IFT81: variants seen among roughly 807,000 people sequenced by gnomAD.
The protein encoded by IFT81 is intraflagellar transport protein 81 homolog.
Under a neutral mutation model 102.6 loss-of-function variants are expected in IFT81, and 72 were observed. The observed-to-expected ratio is 0.70, with a 90% CI of 0.58 to 0.85. The LOEUF (loss-of-function observed/expected upper bound fraction) is 0.85, where lower values mean the gene tolerates loss of function less well. Ranked by LOEUF, IFT81 falls within the 40% of genes least tolerant of loss-of-function variation. The pLI is 0.00. For synonymous variants in IFT81, 237 were observed against 242.7 expected (o/e 0.98, Z 0.22); for missense variants, 723 against 787.3 (o/e 0.92, Z 0.98).
At chr12:110,133,002 A>C (rs1249150814) in intron 5 of IFT81, among the ~76,000 whole-genome samples, 1 of 134,600 alleles carries the variant, frequency 7.4e-6, no homozygotes, top group Non-Finnish European at 1.5e-5. Flanking sequence ...ACAGGGTCTC[A>C]CTCTGTCATT....
intron 11 of IFT81, among the ~76,000 whole-genome samples, chr12:110,167,708 A>G (rs1029254659): frequency 2.0e-5 from 3 of 152,116 alleles, no homozygotes; most frequent in Non-Finnish European, 4.4e-5. Context: ...GTTTATTATT[A>G]TCAATACTTT....
intron 18 of IFT81, chr12:110,216,444 C>T (rs1389897849): frequency 4.4e-6 from 2 of 451,578 alleles, no homozygotes; most frequent in Non-Finnish European, 4.4e-6. Context: ...ATCCTCCTGC[C>T]TTGGCCTCCC....
At chr12:110,211,470 C>T (rs1869433291) in intron 18 of IFT81, among the ~76,000 whole-genome samples, 1 of 152,168 alleles carries the variant, frequency 6.6e-6, no homozygotes, top group African/African-American at 2.4e-5. Context: ...GGATTACAGA[C>T]ATGAGCCACC....
chr12:110,200,402 T>C (rs990937221), intron 14 of IFT81, among the ~76,000 whole-genome samples: 1 of 152,194 alleles, frequency 6.6e-6, no homozygotes, highest in Non-Finnish European at 1.5e-5. Flanking sequence ...TCTACACCCA[T>C]CTAAACATAG....
intron 10 of IFT81, among the ~76,000 whole-genome samples, chr12:110,156,416 T>A (rs1895840735): frequency 6.6e-6 from 1 of 152,176 alleles, no homozygotes; most frequent in Admixed American, 6.5e-5. Context: ...CCAAGGCAAG[T>A]CTAGTTGTAA....
intron 8 of IFT81, among the ~76,000 whole-genome samples, chr12:110,139,310 C>T (rs1267549492): frequency 2.9e-5 from 4 of 140,026 alleles, no homozygotes; most frequent in Admixed American, 7.6e-5. Flanking sequence ...GCACTCCAGC[C>T]TGGGCAACAG....
intron 1 of IFT81, among the ~76,000 whole-genome samples, chr12:110,126,423 G>GTT (rs1385474606): frequency 3.9e-5 from 6 of 152,104 alleles, no homozygotes; most frequent in African/African-American, 1.4e-4. Context: ...GGGAGCTGGC[G>GTT]TTTGGTGGGC....
intron 11 of IFT81, among the ~76,000 whole-genome samples, chr12:110,178,256 A>T (rs539671496): frequency 3.6e-4 from 55 of 152,182 alleles, no homozygotes; most frequent in Admixed American, 5.9e-4. Flanking sequence ...TCTACTAAAA[A>T]TACAAAAATT....
chr12:110,126,588 A>G (rs780531380), intron 1 of IFT81, among the ~76,000 whole-genome samples: 3 of 152,212 alleles, frequency 2.0e-5, no homozygotes, highest in Non-Finnish European at 4.4e-5. Flanking sequence ...TTGAAGGGGT[A>G]GAAAGATGAC....
intron 5 of IFT81, among the ~76,000 whole-genome samples, chr12:110,134,373 G>GT (rs1219703254): frequency 6.6e-6 from 1 of 152,098 alleles, no homozygotes. Context: ...TTAGGAAGGA[G>GT]TTTTTTTATT....
Position 110,173,828 on chromosome 12 carries a change from G to A in IFT81, c.1189-6594G>A, listed in dbSNP as rs1445778154. On this transcript the variant is annotated intron_variant, in intron 11 of 18. Transcript: ENST00000242591. Reference sequence around the variant, plus strand: ...AAGTACCCAGGGACACAAACACTGCGGAAGGCCTCAGGGTCCTCTGCCTAG... The same window carrying A: ...AAGTACCCAGGGACACAAACACTGCAGAAGGCCTCAGGGTCCTCTGCCTAG... Among the ~76,000 whole-genome samples, 19 of 151,848 alleles carry A rather than the reference G, an allele frequency of 1.3e-4. 1 individual carries two copies. In the South Asian group the frequency reaches 3.5e-3, roughly 28 times the overall value.
At chr12:110,165,599 C>T (rs1007965986) in intron 11 of IFT81, among the ~76,000 whole-genome samples, 1 of 152,198 alleles carries the variant, frequency 6.6e-6, no homozygotes, top group Admixed American at 6.5e-5. Context: ...TTATACAAAG[C>T]TCTGTTCCAG....
intron 11 of IFT81, among the ~76,000 whole-genome samples, chr12:110,178,711 G>C (rs1428296486): frequency 7.6e-6 from 1 of 131,880 alleles, no homozygotes; most frequent in African/African-American, 2.9e-5. Flanking sequence ...CGCCTCCCGG[G>C]TTCAAGCAAT....
intron 6 of IFT81, 33 bp downstream of exon 6, chr12:110,135,046 C>T: frequency 1.4e-6 from 2 of 1,468,858 alleles, no homozygotes; most frequent in Non-Finnish European, 9.4e-7. Flanking sequence ...AGACTTTGGC[C>T]CCAAGTCCCA....
chr12:110,150,076 C>T (rs1041583015), intron 10 of IFT81, among the ~76,000 whole-genome samples: 3 of 151,894 alleles, frequency 2.0e-5, no homozygotes, highest in African/African-American at 7.3e-5. Context: ...GTTAGGAGTT[C>T]TCGTTGATTT....
Position 110,151,946 on chromosome 12 carries a change from G to A in IFT81, c.1041+4898G>A, listed in dbSNP as rs1895558845. Among the ~76,000 whole-genome samples, 2 of 152,050 alleles carry A rather than the reference G, an allele frequency of 1.3e-5. 1 individual carries two copies. The highest frequency in any genetic ancestry group is 6.3e-3 in the Middle Eastern group (2 of 316). ...CCTGGCTTATTTCATTTAACATAGT[G>A]TCCTTCAGGCTCATCCATGTTGTTG... is the stretch of plus-strand genomic sequence containing the variant. On this transcript the variant is annotated intron_variant, in intron 10 of 18. Transcript: ENST00000242591.
In IFT81 at chr12:110,164,571, G is replaced by A. The variant is rs147066512; in HGVS notation, c.1188+1506G>A. On this transcript the variant is annotated intron_variant, in intron 11 of 18. Transcript: ENST00000242591. The stretch of plus-strand genomic sequence containing the variant: ...ATTGAATCCATACTGTTACAAATTG[G>A]CAGTGAACCTTCACTGTGCCAAACA... Among the ~76,000 whole-genome samples the A allele has an allele frequency of 6.9e-3, 1,046 of 151,882 alleles. 1 individual carries two copies. Among genetic ancestry groups the A allele is most frequent in the Non-Finnish European group, 9.5e-3 (643 of 67,978 alleles).
intron 4 of IFT81, among the ~76,000 whole-genome samples, chr12:110,130,789 C>CAT (rs977848882): frequency 6.0e-5 from 9 of 151,248 alleles, no homozygotes; most frequent in African/African-American, 9.7e-5. Flanking sequence ...TATACATATA[C>CAT]ATATATATAT....
At chr12:110,174,950 C>G (rs1896976043) in intron 11 of IFT81, among the ~76,000 whole-genome samples, 1 of 152,140 alleles carries the variant, frequency 6.6e-6, no homozygotes, top group Non-Finnish European at 1.5e-5. Flanking sequence ...CAACTGAGTA[C>G]TCTCTCAGCA....
Sources: allele counts gnomAD v4.1 joint callset (sites outside exome capture counted in the v4.1 genomes callset), GRCh38; gene constraint gnomAD v4.1.1; transcripts MANE v1.5; gene names NCBI Gene and HGNC (gene_info 2026-07-23, HGNC 2026-07-21).